ZNF280D: variants seen among roughly 807,000 people sequenced by gnomAD.
The protein encoded by ZNF280D is zinc finger protein 280D, also known as suppressor of hairy wing homolog 4.
In ZNF280D, 39 loss-of-function variants were observed where a neutral mutation model predicts 94.7. The observed-to-expected ratio is 0.41, with a 90% confidence interval of 0.32 to 0.54. The LOEUF is 0.54. Ranked by LOEUF, ZNF280D falls within the 20% of genes least tolerant of loss-of-function variation. ZNF280D has a pLI of 0.22. For missense variants in ZNF280D, 1,090 were observed against 1,149.3 expected, an observed-to-expected ratio of 0.95 and a Z score of 0.75; for synonymous variants, 398 against 377.6, an observed-to-expected ratio of 1.05 and a Z score of -0.63.
chr15:56,675,431 T>C (rs1173372905), intron 13 of ZNF280D, among the ~76,000 whole-genome samples: 1 of 146,922 alleles, frequency 6.8e-6, no homozygotes, highest in Non-Finnish European at 1.5e-5. Context: ...GTGATGAAGA[T>C]ACTTTTTTTT....
chr15:56,667,031 C>T (rs371522641), intron 14 of ZNF280D, 45 bp from the exon 15 acceptor site: 11 of 1,320,036 alleles, frequency 8.3e-6, no homozygotes, highest in African/African-American at 3.0e-5. Context: ...TTAATCAGTA[C>T]ATTAATATTA....
chr15:56,692,057 T>A (rs530884158), intron 7 of ZNF280D, among the ~76,000 whole-genome samples: 16 of 152,048 alleles, frequency 1.1e-4, no homozygotes, highest in African/African-American at 3.9e-4. Context: ...AGAATAGGAG[T>A]CATTATTTCT....
At chr15:56,722,395 A>C (rs1206733816) in intron 1 of ZNF280D, among the ~76,000 whole-genome samples, 1 of 152,226 alleles carries the variant, frequency 6.6e-6, no homozygotes, top group Non-Finnish European at 1.5e-5. Flanking sequence ...TGCAAACCAC[A>C]ACAAGTGAAG....
intron 1 of ZNF280D, among the ~76,000 whole-genome samples, chr15:56,727,551 A>C (rs1316002638): frequency 6.6e-6 from 1 of 152,182 alleles, no homozygotes; most frequent in East Asian, 1.9e-4. Flanking sequence ...GCATCTACTG[A>C]CTCTCAATTG....
intron 20 of ZNF280D, among the ~76,000 whole-genome samples, chr15:56,642,683 A>G (rs2052686368): frequency 6.6e-6 from 1 of 151,794 alleles, no homozygotes; most frequent in South Asian, 2.1e-4. Flanking sequence ...TAATTCATAA[A>G]TTTATCTCCA....
rs370458226 is a variant in ZNF280D at position 56,712,740 on chromosome 15, C to CTT, written c.-85-5436_-85-5435dup. 1.5e-3 allele frequency among the ~76,000 whole-genome samples: 200 copies of CTT among 133,462 alleles called. 6 individuals are homozygous for CTT. Among genetic ancestry groups the CTT allele is most frequent in the East Asian group, 2.4e-3 (11 of 4,570 alleles). 87.6% of individuals were successfully genotyped at this position (133,462 alleles called of 152,430 possible). A position where few individuals can be genotyped will look rare whatever the true frequency, so the allele number is the denominator to read the frequency against. On this transcript the variant is annotated intron_variant, in intron 1 of 21. Coordinates refer to ENST00000267807, the MANE Select transcript of ZNF280D (RefSeq NM_017661.4). ...TGATTATGAGGAACATGGTGAATGG[C>CTT]TTTTTTTTTTTTTTTTCTGAGGTGG...
intron 1 of ZNF280D, chr15:56,724,803 C>T: frequency 2.3e-6 from 1 of 426,842 alleles, no homozygotes; most frequent in Non-Finnish European, 4.6e-6. Context: ...TGAACAGACA[C>T]TACAATGTAG....
intron 13 of ZNF280D, among the ~76,000 whole-genome samples, chr15:56,670,191 T>C (rs2054768299): frequency 6.9e-6 from 1 of 144,996 alleles, no homozygotes; most frequent in African/African-American, 2.6e-5. Flanking sequence ...ATACAACTGT[T>C]TATTTATTTA....
At chr15:56,645,051 C>T (rs1478340399) in intron 19 of ZNF280D, 2 of 152,124 alleles carry the variant, frequency 1.3e-5, no homozygotes, top group Non-Finnish European at 2.9e-5. Context: ...AATGTACACT[C>T]AAACTTTGAA....
At position 56,631,551 on chromosome 15, in the gene ZNF280D, G is replaced by A. The variant is rs749619007; in HGVS notation, c.2887C>T (p.Pro963Ser). ...TCTACTGTTGCCTCTGTTGTGCTAG[G>A]GTTATTTCCTCCAGGAATGTCATCT... ...QTDDIPGGNN[P>S]STTEATVDLE... The change falls in exon 22 of 22, where the codon CCT becomes TCT. Residue 963 changes from proline to serine, a missense_variant. Pro to Ser is a moderately conservative substitution (Grantham distance 74). Coordinates refer to ENST00000267807, the MANE Select transcript of ZNF280D (RefSeq NM_017661.4). 1 of 1,613,962 alleles carries A rather than the reference G, an allele frequency of 6.2e-7. No individual in the cohort carries two copies. The highest frequency in any genetic ancestry group is 1.1e-5 in the South Asian group (1 of 91,068).
chr15:56,659,496 G>T (rs78490163), intron 16 of ZNF280D, among the ~76,000 whole-genome samples: 1 of 151,710 alleles, frequency 6.6e-6, no homozygotes, highest in African/African-American at 2.4e-5. Flanking sequence ...ACAGTATATT[G>T]TTATTATAAT....
At chr15:56,707,718 T>C (rs527819821) in intron 1 of ZNF280D, among the ~76,000 whole-genome samples, 73 of 152,216 alleles carry the variant, frequency 4.8e-4, no homozygotes, top group African/African-American at 1.6e-3. Context: ...AGTTTATATC[T>C]TTCTGGCTTT....
At chr15:56,659,171 T>C (rs1472725036) in intron 16 of ZNF280D, among the ~76,000 whole-genome samples, 1 of 129,606 alleles carries the variant, frequency 7.7e-6, no homozygotes, top group Admixed American at 8.1e-5. Flanking sequence ...AGAGTGTTTT[T>C]TATTAAAAAA....
At chr15:56,655,046 C>T (rs949780743) in intron 17 of ZNF280D, among the ~76,000 whole-genome samples, 25 of 152,146 alleles carry the variant, frequency 1.6e-4, no homozygotes, top group African/African-American at 5.8e-4. Context: ...AAACAGATCA[C>T]GTTTTAGCCA....
intron 10 of ZNF280D, among the ~76,000 whole-genome samples, chr15:56,682,007 T>C (rs879527152): frequency 3.3e-5 from 5 of 152,042 alleles, no homozygotes; most frequent in Non-Finnish European, 7.4e-5. Flanking sequence ...GTTCATTTTG[T>C]CTTAAGTTAA....
At position 56,669,888 on chromosome 15, in the gene ZNF280D, TTATATATATATATAATATATATATATTA is replaced by T; in HGVS notation, c.1411-959_1411-932del. Reference sequence around the variant, plus strand: ...TATATATATTTTATATATATATATATTATATATATATATAATATATATATATTATATATATATTATATATATATTATAT... The same window carrying T: ...TATATATATTTTATATATATATATATTATATATATTATATATATATTATAT... On this transcript the variant is annotated intron_variant, in intron 13 of 21. Coordinates refer to ENST00000267807, the MANE Select transcript of ZNF280D (RefSeq NM_017661.4). Among the ~76,000 whole-genome samples, 3 of 4,768 alleles carry T rather than the reference TTATATATATATATAATATATATATATTA, an allele frequency of 6.3e-4. 1 individual carries two copies. Among genetic ancestry groups the T allele is most frequent in the South Asian group, 0.021 (2 of 96 alleles). 3.1% of individuals were successfully genotyped at this position (4,768 alleles called of 152,430 possible).
At chr15:56,654,009 T>G in intron 19 of ZNF280D, 189 bp downstream of exon 19, 1 of 1,437,662 alleles carries the variant, frequency 7.0e-7, no homozygotes, top group Non-Finnish European at 9.1e-7. Context: ...CTTAGGAAAT[T>G]CCAACTTGTC....
chr15:56,724,797 C>A (rs1032047922), intron 1 of ZNF280D: 2 of 393,082 alleles, frequency 5.1e-6, no homozygotes, highest in Non-Finnish European at 1.0e-5. Context: ...CTCAAATGAA[C>A]AGACACTACA....
At chr15:56,703,958 T>C (rs2141219492) in intron 4 of ZNF280D, among the ~76,000 whole-genome samples, 163 bp downstream of exon 4, 1 of 152,322 alleles carries the variant, frequency 6.6e-6, no homozygotes, top group South Asian at 2.1e-4. Flanking sequence ...ATTTCTCTTT[T>C]CTGACATCTG....
Sources: allele counts gnomAD v4.1 joint callset (sites outside exome capture counted in the v4.1 genomes callset), GRCh38; gene constraint gnomAD v4.1.1; transcripts MANE v1.5; gene names NCBI Gene and HGNC (gene_info 2026-07-23, HGNC 2026-07-21).